The following KDM4B variants were observed in gnomAD, a reference collection of about 807,000 sequenced individuals.
KDM4B encodes lysine demethylase 4B, also known as lysine-specific demethylase 4B.
A neutral mutation model predicts 125.2 loss-of-function variants in KDM4B; 32 were observed. The ratio of observed to expected loss-of-function variants is 0.26; its 90% CI spans 0.19 to 0.34. The LOEUF is 0.34. Among genes scored for constraint, KDM4B ranks in the 10% least tolerant of loss-of-function variants. The probability of loss-of-function intolerance (pLI) is 1.00; values close to 1 mark genes in which losing one functional copy is unlikely to be tolerated. For missense variants in KDM4B, 1,190 were observed against 1,577.7 expected (o/e 0.75, Z 4.16); for synonymous variants, 721 against 677.9 (o/e 1.06, Z -0.99).
At chr19:4,974,422 G>C (rs576692925) in intron 1 of KDM4B, among the ~76,000 whole-genome samples, 33 of 151,436 alleles carry the variant, frequency 2.2e-4, no homozygotes, top group African/African-American at 8.0e-4. Context: ...AAATAAGTAA[G>C]TAAGTAAGTA....
intron 11 of KDM4B, among the ~76,000 whole-genome samples, chr19:5,123,277 T>G (rs2039394380): frequency 6.6e-6 from 1 of 152,188 alleles, no homozygotes; most frequent in South Asian, 2.1e-4. Context: ...ATGTACAATC[T>G]CACACCTGTG....
At chr19:4,973,892 G>A (rs2034350334) in intron 1 of KDM4B, among the ~76,000 whole-genome samples, 2 of 151,796 alleles carry the variant, frequency 1.3e-5, no homozygotes, top group Non-Finnish European at 2.9e-5. Flanking sequence ...CACTTTGGGA[G>A]GCTGAGGCGG....
intron 6 of KDM4B, among the ~76,000 whole-genome samples, chr19:5,050,542 C>G (rs974858402): frequency 3.6e-4 from 55 of 152,304 alleles, no homozygotes; most frequent in African/African-American, 1.2e-3. Flanking sequence ...GGCCTGGGGT[C>G]GGTGTCCTGA....
chr19:4,979,086 C>G (rs1230237009), intron 1 of KDM4B, among the ~76,000 whole-genome samples: 1 of 152,024 alleles, frequency 6.6e-6, no homozygotes, highest in African/African-American at 2.4e-5. Flanking sequence ...AGTTCAAGAC[C>G]AGCAAGGGCA....
At chr19:5,101,076 G>C (rs974944165) in intron 9 of KDM4B, among the ~76,000 whole-genome samples, 9 of 151,868 alleles carry the variant, frequency 5.9e-5, no homozygotes, top group Admixed American at 2.6e-4. Context: ...CAAAAAATTA[G>C]CTGGGCATGG....
intron 1 of KDM4B, among the ~76,000 whole-genome samples, chr19:5,011,923 C>T (rs993422744): frequency 6.6e-6 from 1 of 152,236 alleles, no homozygotes; most frequent in Non-Finnish European, 1.5e-5. Flanking sequence ...TCCGCCCCAC[C>T]CGCGGGTCTT....
rs958244986 is a variant in KDM4B, at chr19:4,997,147, G to T, written c.-108-19110G>T. 4.6e-5 allele frequency among the ~76,000 whole-genome samples: 7 copies of T among 152,222 alleles called. No individual in the cohort carries two copies. The highest frequency in any genetic ancestry group is 1.7e-4 in the African/African-American group (7 of 41,442). ...AAGGCATCCTCTGGGGGCACGATCA[G>T]CCTTGGTGGAGAACCCCTGTTTTGG... On this transcript the variant is annotated intron_variant, in intron 1 of 22. Coordinates refer to ENST00000159111, the MANE Select transcript of KDM4B (RefSeq NM_015015.3). This position sits in a 1 kb window ranked among gnomAD's most constrained non-coding sequence, Gnocchi z 4.2.
chr19:5,076,993 G>C (rs1264157031), intron 7 of KDM4B: 1 of 250,576 alleles, frequency 4.0e-6, no homozygotes, highest in Non-Finnish European at 7.8e-6. Context: ...TATGCCATGG[G>C]TGGGCACCTT....
At chr19:4,979,798 A>G (rs910706389) in intron 1 of KDM4B, among the ~76,000 whole-genome samples, 4 of 152,208 alleles carry the variant, frequency 2.6e-5, no homozygotes, top group Non-Finnish European at 5.9e-5. Context: ...TATGAAATTC[A>G]TCTTCTTAAA....
At chr19:5,048,679 T>C (rs537912637) in intron 6 of KDM4B, among the ~76,000 whole-genome samples, 27 of 152,266 alleles carry the variant, frequency 1.8e-4, no homozygotes, top group African/African-American at 6.5e-4. Context: ...GCTGTGCGCA[T>C]CCTCACCTGC....
At chr19:4,974,971 GC>G in intron 1 of KDM4B, among the ~76,000 whole-genome samples, 1 of 151,798 alleles carries the variant, frequency 6.6e-6, no homozygotes, top group Middle Eastern at 3.4e-3. Flanking sequence ...TTCCCTGCCC[GC>G]CCTTCCCTGC....
At chr19:4,994,565 C>CA (rs397820720) in intron 1 of KDM4B, among the ~76,000 whole-genome samples, 18,413 of 45,476 alleles carry the variant, frequency 0.4, 4,282 homozygotes, top group Middle Eastern at 0.48. Flanking sequence ...CTCTGTCTCT[C>CA]AAAAAAAAAA....
chr19:5,011,193 G>A (rs983061036), intron 1 of KDM4B, among the ~76,000 whole-genome samples: 6 of 152,248 alleles, frequency 3.9e-5, no homozygotes, highest in East Asian at 3.9e-4. Context: ...AATTGACCAC[G>A]TGTCCTGCAG....
intron 8 of KDM4B, 110 bp downstream of exon 8, chr19:5,077,580 T>C (rs1020606795): frequency 1.1e-6 from 1 of 889,060 alleles, no homozygotes; most frequent in South Asian, 1.5e-5. Context: ...GAGAAGTTTC[T>C]AGAACAGTGA....
At chr19:5,004,209 T>C (rs1481724215) in intron 1 of KDM4B, among the ~76,000 whole-genome samples, 1 of 152,158 alleles carries the variant, frequency 6.6e-6, no homozygotes, top group Admixed American at 6.5e-5. Flanking sequence ...CCTTTTCTTC[T>C]GGGGGAAGGA....
intron 9 of KDM4B, among the ~76,000 whole-genome samples, chr19:5,098,646 G>A (rs763209108): frequency 6.6e-6 from 1 of 152,134 alleles, no homozygotes; most frequent in Non-Finnish European, 1.5e-5. Flanking sequence ...CCTCCCTAGG[G>A]TGATGGTATT....
Position 5,110,760 on chromosome 19 carries a change from C to A in KDM4B, c.1057C>A (p.Pro353Thr), listed in dbSNP as rs2039126128. ...DHTRPTALTS[P>T]ELSSWSASRA... is the part of the protein sequence containing the mutation. ...CACGCGGCCCACGGCGCTCACCAGC[C>A]CCGAGCTGAGCTCCTGGAGTGCATC... Residue 353 changes from proline to threonine, a missense_variant, in exon 10 of 23, where the codon CCC becomes ACC. Coordinates refer to ENST00000159111, the MANE Select transcript of KDM4B (RefSeq NM_015015.3). 1.9e-6 allele frequency: 3 copies of A among 1,609,784 alleles called. No individual in the cohort carries two copies. The highest frequency in any genetic ancestry group is 1.7e-5 in the Admixed American group (1 of 59,684).
Position 4,997,679 on chromosome 19 carries a change from C to T in KDM4B, c.-108-18578C>T, listed in dbSNP as rs1168420564. On this transcript the variant is annotated intron_variant, in intron 1 of 22. Transcript: ENST00000159111. The surrounding 1 kb of genome is among the most constrained non-coding windows in gnomAD (Gnocchi z 4.2). ...TGCCAGGCACTCAGAGTCATCCCTG[C>T]CTCCTCGAGTTGGTGGGCTGGTCAG... Among the ~76,000 whole-genome samples the T allele has an allele frequency of 1.3e-5, 2 of 152,226 alleles. No homozygotes were observed. The highest frequency in any genetic ancestry group is 4.8e-5 in the African/African-American group (2 of 41,452).
At chr19:5,041,795 G>T (rs1252286571) in intron 5 of KDM4B, among the ~76,000 whole-genome samples, 2 of 152,260 alleles carry the variant, frequency 1.3e-5, no homozygotes, top group African/African-American at 4.8e-5. Flanking sequence ...GGTCCCCCAG[G>T]CCCCGCTGGA....
Sources: gnomAD v4.1 joint callset for allele counts (sites outside exome capture counted in the v4.1 genomes callset) on GRCh38, gnomAD v4.1.1 for gene constraint, Gnocchi (gnomAD v3.1) non-coding constraint, MANE v1.5 for transcripts, NCBI Gene and HGNC (gene_info 2026-07-23, HGNC 2026-07-21) for gene names.